DOCK3: variants seen among roughly 807,000 people sequenced by gnomAD.
The protein encoded by DOCK3 is dedicator of cytokinesis 3.
In DOCK3, 60 loss-of-function variants were observed where a neutral mutation model predicts 265.6. The observed-to-expected ratio is 0.23, with a 90% CI of 0.18 to 0.28. DOCK3 has a LOEUF of 0.28. Ranked by LOEUF, DOCK3 falls within the 10% of genes least tolerant of loss-of-function variation. The probability of loss-of-function intolerance (pLI) is 1.00; values close to 1 mark genes in which losing one functional copy is unlikely to be tolerated. For missense variants in DOCK3, 1,981 were observed against 2,594.3 expected, an observed-to-expected ratio of 0.76 and a Z score of 5.14; for synonymous variants, 881 against 938.0, an observed-to-expected ratio of 0.94 and a Z score of 1.11.
intron 14 of DOCK3, among the ~76,000 whole-genome samples, chr3:51,220,783 A>G (rs2090061687): frequency 6.6e-6 from 1 of 150,680 alleles, no homozygotes; most frequent in Non-Finnish European, 1.5e-5. Context: ...TAATTTATAC[A>G]GAAGGAATGT....
chr3:50,953,673 A>G (rs1026084074), intron 5 of DOCK3, among the ~76,000 whole-genome samples: 3 of 152,124 alleles, frequency 2.0e-5, no homozygotes, highest in South Asian at 2.1e-4. Context: ...AATGAAAAAA[A>G]TGTGTTAACG....
intron 7 of DOCK3, among the ~76,000 whole-genome samples, chr3:51,088,239 T>TA (rs2082503102): frequency 6.6e-6 from 1 of 152,034 alleles, no homozygotes; most frequent in South Asian, 2.1e-4. Flanking sequence ...AGATAGGGAA[T>TA]AAAAAAGTGG....
intron 5 of DOCK3, among the ~76,000 whole-genome samples, chr3:51,012,037 G>A (rs889703653): frequency 6.6e-6 from 1 of 152,108 alleles, no homozygotes; most frequent in Non-Finnish European, 1.5e-5. Context: ...TGCCCCTACT[G>A]GGGGGTCCCT....
intron 12 of DOCK3, 111 bp downstream of exon 12, chr3:51,160,813 A>C: frequency 3.0e-6 from 4 of 1,334,442 alleles, no homozygotes; most frequent in Non-Finnish European, 4.0e-6. Context: ...GCAGTGGCTC[A>C]CGCCTGTATT....
rs1373509796 is a variant in DOCK3 at position 50,743,987 on chromosome 3, A to C, written c.38-34688A>C. Among the ~76,000 whole-genome samples, 5 of 152,160 alleles carry C rather than the reference A, an allele frequency of 3.3e-5. No homozygotes were observed. The East Asian group carries it at 9.6e-4, about 29-fold the overall frequency. ...TTAAAAAGAAAATAATAGTCCTCGT[A>C]GTGTATGTGAAGTAGTATTTTGTGG... On this transcript the variant is annotated intron_variant, in intron 1 of 52. Transcript: ENST00000266037.
chr3:51,034,936 G>A (rs1461642998), intron 5 of DOCK3, among the ~76,000 whole-genome samples: 1 of 152,014 alleles, frequency 6.6e-6, no homozygotes, highest in Non-Finnish European at 1.5e-5. Flanking sequence ...TGATGATCAT[G>A]TGATATCAGT....
chr3:50,858,448 T>TAATAATAATAATAATAAA (rs1172394817), intron 3 of DOCK3, among the ~76,000 whole-genome samples: 4 of 122,278 alleles, frequency 3.3e-5, no homozygotes, highest in African/African-American at 1.1e-4. Context: ...ATAATAATAA[T>TAATAATAATAATAATAAA]AATAAAAATA....
intron 2 of DOCK3, among the ~76,000 whole-genome samples, chr3:50,804,232 A>C (rs1015270737): frequency 6.7e-6 from 1 of 150,294 alleles, no homozygotes; most frequent in African/African-American, 2.5e-5. Context: ...GCGGCCGGGA[A>C]GAGGCGCTCC....
rs150042930 is a variant in DOCK3 at position 50,765,174 on chromosome 3, C to T, written c.38-13501C>T. Among the ~76,000 whole-genome samples the T allele has an allele frequency of 7.4e-3, 1,106 of 149,126 alleles. 7 individuals are homozygous for T. Among genetic ancestry groups the T allele is most frequent in the African/African-American group, 0.01 (425 of 40,646 alleles). Reference sequence around the variant, plus strand: ...TCGGCTCACTGTAACCTCTGCCTCCCAGGTTCAAGTGATTCTCCTGCCTCA... The same window carrying T: ...TCGGCTCACTGTAACCTCTGCCTCCTAGGTTCAAGTGATTCTCCTGCCTCA... On this transcript the variant is annotated intron_variant, in intron 1 of 52. Coordinates refer to ENST00000266037, the MANE Select transcript of DOCK3 (RefSeq NM_004947.5).
At chr3:51,218,738 A>T (rs1249376187) in intron 14 of DOCK3, among the ~76,000 whole-genome samples, 1 of 152,130 alleles carries the variant, frequency 6.6e-6, no homozygotes, top group African/African-American at 2.4e-5. Context: ...TCCATCTATG[A>T]TTTATTATGT....
intron 27 of DOCK3, among the ~76,000 whole-genome samples, chr3:51,281,243 A>G (rs1230357671): frequency 6.7e-6 from 1 of 148,598 alleles, no homozygotes; most frequent in East Asian, 1.9e-4. Context: ...CACATTAAAT[A>G]CACTAACACT....
intron 3 of DOCK3, among the ~76,000 whole-genome samples, chr3:50,880,325 A>C (rs981685767): frequency 6.6e-6 from 1 of 152,152 alleles, no homozygotes; most frequent in South Asian, 2.1e-4. Flanking sequence ...TCAAAAAATC[A>C]ATGAAGCCAG....
At chr3:50,760,507 G>A (rs147931195) in intron 1 of DOCK3, among the ~76,000 whole-genome samples, 24 of 152,220 alleles carry the variant, frequency 1.6e-4, no homozygotes, top group African/African-American at 5.8e-4. Flanking sequence ...ATTATATGAG[G>A]CATTGAACAT....
chr3:50,909,430 T>C (rs558353446), intron 4 of DOCK3, among the ~76,000 whole-genome samples: 1 of 152,172 alleles, frequency 6.6e-6, no homozygotes, highest in Admixed American at 6.5e-5. Context: ...TCCCTCAGCA[T>C]TTGCTTCTTT....
chr3:50,797,793 C>T (rs952898172), intron 2 of DOCK3, among the ~76,000 whole-genome samples: 46 of 152,266 alleles, frequency 3.0e-4, no homozygotes, highest in African/African-American at 1.1e-3. Context: ...AGCATTTTTT[C>T]ATACATTTAT....
At chr3:50,884,061 A>G (rs1405524701) in intron 3 of DOCK3, among the ~76,000 whole-genome samples, 1 of 151,812 alleles carries the variant, frequency 6.6e-6, no homozygotes, top group African/African-American at 2.4e-5. Flanking sequence ...TTATGGCTGA[A>G]TAAGATTTCA....
intron 4 of DOCK3, among the ~76,000 whole-genome samples, chr3:50,903,112 T>C (rs540887051): frequency 6.6e-6 from 1 of 152,358 alleles, no homozygotes; most frequent in Non-Finnish European, 1.5e-5. Flanking sequence ...TCACGTTATC[T>C]GCAAACAAAG....
intron 2 of DOCK3, among the ~76,000 whole-genome samples, chr3:50,785,701 G>T (rs1226481516): frequency 2.0e-5 from 3 of 152,126 alleles, no homozygotes; most frequent in Non-Finnish European, 2.9e-5. Flanking sequence ...TATACTGTTG[G>T]ATTCAGTTAC....
chr3:50,918,259 C>T (rs983890350), intron 4 of DOCK3, among the ~76,000 whole-genome samples: 16 of 152,064 alleles, frequency 1.1e-4, no homozygotes, highest in Middle Eastern at 3.2e-3. Context: ...CTTTATAATC[C>T]GTTGGATATA....
Sources: allele counts gnomAD v4.1 joint callset (sites outside exome capture counted in the v4.1 genomes callset), GRCh38; gene constraint gnomAD v4.1.1; transcripts MANE v1.5; gene names NCBI Gene and HGNC (gene_info 2026-07-23, HGNC 2026-07-21).